The following OVCH2 variants were observed in gnomAD, a reference collection of about 807,000 sequenced individuals.
OVCH2 encodes ovochymase 2, also known as ovochymase-2.
In OVCH2, 88 loss-of-function variants were observed where a neutral mutation model predicts 73.7. The observed-to-expected ratio is 1.19, with a 90% confidence interval of 1.01 to 1.43. The LOEUF (loss-of-function observed/expected upper bound fraction) is 1.43, where lower values mean the gene tolerates loss of function less well. Among genes scored for constraint, OVCH2 ranks in the 40% most tolerant of loss-of-function variants. The probability of loss-of-function intolerance (pLI) is 0.00; values close to 1 mark genes in which losing one functional copy is unlikely to be tolerated. For missense variants in OVCH2, 706 were observed against 674.5 expected, an observed-to-expected ratio of 1.05 and a Z score of -0.52; for synonymous variants, 265 against 234.5, an observed-to-expected ratio of 1.13 and a Z score of -1.19.
rs760208869 is a variant in OVCH2 at position 7,700,312 on chromosome 11, G to C, written c.885C>G (p.His295Gln). ...TDISKVLPWIHEHIQTGNRRK... is the reference protein window; with the variant it reads ...TDISKVLPWIQEHIQTGNRRK... ...CTTAGTTACCAGTTTGGATGTGTTC[G>C]TGGATCCAGGGAAGCACTTTACTAA... The change falls in exon 7 of 16, where the codon CAC becomes CAG. Residue 295 changes from histidine to glutamine, a missense_variant. Transcript: ENST00000533663. 19 of 1,613,688 alleles carry C rather than the reference G, an allele frequency of 1.2e-5. No individual in the cohort carries two copies. Among genetic ancestry groups the C allele is most frequent in the East Asian group, 2.2e-5 (1 of 44,874 alleles).
chr11:7,704,719 G>A, intron 1 of OVCH2, 45 bp from the exon 2 acceptor site: 1 of 1,335,606 alleles, frequency 7.5e-7, no homozygotes, highest in Non-Finnish European at 1.1e-6. Flanking sequence ...TAGCTTCTAG[G>A]ATTGAGGTAA....
chr11:7,690,536 C>T (rs1207579873), intron 14 of OVCH2, among the ~76,000 whole-genome samples: 1 of 151,996 alleles, frequency 6.6e-6, no homozygotes, highest in Non-Finnish European at 1.5e-5. Flanking sequence ...GACATACAGT[C>T]ACTCGTTCTT....
At chr11:7,681,853 C>CAA in the OVCH2 span, among the ~76,000 whole-genome samples, 177 of 92,892 alleles carry the variant, frequency 1.9e-3, 2 homozygotes, top group Middle Eastern at 0.011. Flanking sequence ...GGGAAATGTC[C>CAA]AAAAAAAAAA....
rs1380027625 is a variant in OVCH2, at chr11:7,695,602, G to T, written c.1250C>A (p.Thr417Asn). 6.2e-7 allele frequency: 1 copy of T among 1,613,652 alleles called. No homozygotes were observed. Among genetic ancestry groups the T allele is most frequent in the Non-Finnish European group, 8.5e-7 (1 of 1,179,704 alleles). The change falls in exon 11 of 16, where the codon ACC becomes AAC. Residue 417 changes from threonine (T) to asparagine (N), a missense_variant. Transcript: ENST00000533663. ...GTAGTTTGGTTTAAGAGCTTTATAG[G>T]TAAGATTAAACCCAGCTGCATTATC... is the stretch of plus-strand genomic sequence containing the variant. ...ATDNAAGFNL[T>N]YKALKPNYIP...
At chr11:7,689,243 C>T (rs1345560558), downstream of OVCH2, among the ~76,000 whole-genome samples, 2 of 152,178 alleles carry the variant, frequency 1.3e-5, no homozygotes, top group Admixed American at 6.5e-5. Context: ...CTGAGGCTTC[C>T]CCAAAAGAGA....
At chr11:7,692,091 G>GAGTA in intron 12 of OVCH2, 96 bp from the exon 13 acceptor site, 1 of 835,660 alleles carries the variant, frequency 1.2e-6, no homozygotes, top group South Asian at 1.5e-5. Flanking sequence ...ACTTGTTCTG[G>GAGTA]AGTAAGACCT....
chr11:7,686,981 A>G (rs1172921731), downstream of OVCH2, among the ~76,000 whole-genome samples: 2 of 152,042 alleles, frequency 1.3e-5, no homozygotes, highest in Admixed American at 6.6e-5. Flanking sequence ...CACTCCTTAG[A>G]ATTCCTGGAG....
chr11:7,697,293 G>A (rs1043777768), intron 8 of OVCH2, among the ~76,000 whole-genome samples: 8 of 152,258 alleles, frequency 5.3e-5, no homozygotes, highest in East Asian at 1.9e-4. Context: ...CCTCCCACCT[G>A]AGCCTCCCAA....
At chr11:7,700,782 A>G (rs986513149) in intron 6 of OVCH2, among the ~76,000 whole-genome samples, 2 of 152,220 alleles carry the variant, frequency 1.3e-5, no homozygotes, top group African/African-American at 4.8e-5. Context: ...GCCAGCAATG[A>G]GACTGACTTC....
rs994641454 is a variant in OVCH2 at position 7,691,770 on chromosome 11, T to C, written c.1507+132A>G. ...CCTAATGAAGAAGACAAAGGAGTGATGGTGAGACCACAGGGAGGGGTGGAG... is the reference window on the plus strand; with the variant it reads ...CCTAATGAAGAAGACAAAGGAGTGACGGTGAGACCACAGGGAGGGGTGGAG... On this transcript the variant is annotated intron_variant, in intron 13 of 15. Coordinates refer to ENST00000533663, the MANE Select transcript of OVCH2 (RefSeq NM_198185.7). 2.4e-5 allele frequency: 16 copies of C among 669,000 alleles called. No individual in the cohort carries two copies. In the Middle Eastern group the frequency reaches 7.6e-4, roughly 32 times the overall value. The allele number at this position is 669,000 out of a possible 1,614,324, so 41.4% of individuals were successfully genotyped here.
In OVCH2 at chr11:7,696,748, TG is replaced by T; in HGVS notation, c.976del (p.His326ThrfsTer35). 6.2e-7 allele frequency: 1 copy of T among 1,613,178 alleles called. No homozygotes were observed. Among genetic ancestry groups the T allele is most frequent in the African/African-American group, 1.3e-5 (1 of 75,042 alleles). ...VIVSGAEGKL[H>X]FPESLHLYYE... ...ATATAGGTGGAGGCTTTCTGGGAAG[TG>T]CAGCTTCCCCTCAGCCCCGCTGACT... On this transcript the variant is annotated frameshift_variant, in exon 9 of 16. Coordinates refer to ENST00000533663, the MANE Select transcript of OVCH2 (RefSeq NM_198185.7). LOFTEE classifies it high-confidence loss of function.
At chr11:7,691,753 A>G (rs1166692925) in intron 13 of OVCH2, 149 bp downstream of exon 13, 9 of 626,788 alleles carry the variant, frequency 1.4e-5, no homozygotes, top group Non-Finnish European at 2.4e-5. Flanking sequence ...CCCCTAATGA[A>G]GAAGACAAAG....
rs1376389182 is a variant in OVCH2 at position 7,695,191 on chromosome 11, G to C, written c.1283-3C>G. 1 of 1,552,988 alleles carries C rather than the reference G, an allele frequency of 6.4e-7. No individual in the cohort carries two copies. Among genetic ancestry groups the C allele is most frequent in the Non-Finnish European group, 8.7e-7 (1 of 1,150,846 alleles). On this transcript the variant is annotated splice_region_variant and splice_polypyrimidine_tract_variant and intron_variant, in intron 11 of 15. Coordinates refer to ENST00000533663, the MANE Select transcript of OVCH2 (RefSeq NM_198185.7). ...AGTTAAGTAACTGCAACCTGAATCT[G>C]AAACGTAAGAAAAAGTCCAAACAGA...
chr11:7,705,997 T>C (rs558081855), intron 1 of OVCH2, among the ~76,000 whole-genome samples: 2 of 152,294 alleles, frequency 1.3e-5, no homozygotes, highest in African/African-American at 4.8e-5. Context: ...ATTTGCTCTA[T>C]GAACCAAGAT....
Position 7,691,304 on chromosome 11 carries a change from C to T in OVCH2, c.1604G>A (p.Gly535Asp), listed in dbSNP as rs1856214775. The change falls in exon 14 of 16, where the codon GGC becomes GAC. Residue 535 changes from glycine (G) to aspartate (D), a missense_variant. Transcript: ENST00000533663. ...AATGAAGGAGACTGTAGCCTGAAAG[C>T]CCCTGCAGGTCCCGTTTTCATCTGA... The part of the protein sequence containing the change: ...FQSDENGTCR[G>D]FQATVSFIPK... 6.2e-7 allele frequency: 1 copy of T among 1,613,608 alleles called. No homozygotes were observed.
downstream of OVCH2, among the ~76,000 whole-genome samples, chr11:7,684,672 T>C (rs1268695648): frequency 1.3e-5 from 2 of 152,092 alleles, no homozygotes; most frequent in South Asian, 2.1e-4. Flanking sequence ...ATATAAGATA[T>C]AGTTAATTCT....
At chr11:7,691,789 G>A (rs1350126365) in intron 13 of OVCH2, 113 bp downstream of exon 13, 10 of 756,670 alleles carry the variant, frequency 1.3e-5, no homozygotes, top group Admixed American at 2.3e-5. Flanking sequence ...CACAGGGAGG[G>A]GTGGAGGTGG....
In OVCH2 at chr11:7,704,689, A is replaced by G. The variant is rs552696404; in HGVS notation, c.89-15T>C. On this transcript the variant is annotated splice_polypyrimidine_tract_variant and intron_variant, in intron 1 of 15. Transcript: ENST00000533663. ...ACAACTGGGAGCTGAGAAAAAAACG[A>G]GACAAACTAAATGATTAGATAGCTT... 1.2e-5 allele frequency: 19 copies of G among 1,542,686 alleles called. No homozygotes were observed. In the South Asian group the frequency reaches 2.2e-4, roughly 18 times the overall value.
At chr11:7,695,492 C>T (rs1856312504) in intron 11 of OVCH2, 78 bp downstream of exon 11, 1 of 1,372,334 alleles carries the variant, frequency 7.3e-7, no homozygotes. Context: ...GGGATCCCTG[C>T]CACTCACCTA....
Sources: allele counts gnomAD v4.1 joint callset (sites outside exome capture counted in the v4.1 genomes callset), GRCh38; gene constraint gnomAD v4.1.1; transcripts MANE v1.5; gene names NCBI Gene and HGNC (gene_info 2026-07-23, HGNC 2026-07-21).